The following VEGFC variants were observed in gnomAD, a reference collection of about 807,000 sequenced individuals.
VEGFC encodes the protein vascular endothelial growth factor C.
Under a neutral mutation model 46.1 loss-of-function variants are expected in VEGFC, and 12 were observed. The observed-to-expected ratio is 0.26, with a 90% CI of 0.17 to 0.42. The LOEUF is 0.42. Ranked by LOEUF, VEGFC falls within the 10% of genes least tolerant of loss-of-function variation. The probability of loss-of-function intolerance (pLI) is 1.00; values close to 1 mark genes in which losing one functional copy is unlikely to be tolerated. For synonymous variants in VEGFC, 232 were observed against 195.5 expected, an observed-to-expected ratio of 1.19 and a Z score of -1.56; for missense variants, 488 against 529.4, an observed-to-expected ratio of 0.92 and a Z score of 0.77.
chr4:176,698,320 A>C (rs1434134583), intron 4 of VEGFC, among the ~76,000 whole-genome samples: 1 of 151,918 alleles, frequency 6.6e-6, no homozygotes, highest in African/African-American at 2.4e-5. Context: ...AAAACATGCT[A>C]TCACCTTTTG....
chr4:176,733,737 G>C (rs1735005824), intron 1 of VEGFC, among the ~76,000 whole-genome samples: 1 of 151,670 alleles, frequency 6.6e-6, no homozygotes, highest in Admixed American at 6.6e-5. Flanking sequence ...TTCTCCATAT[G>C]TAATTTCACC....
intron 4 of VEGFC, among the ~76,000 whole-genome samples, chr4:176,699,848 A>C (rs1156955216): frequency 6.6e-6 from 1 of 152,248 alleles, no homozygotes; most frequent in African/African-American, 2.4e-5. Context: ...AAAAAGGCAC[A>C]TGCTTAATCG....
chr4:176,693,196 T>A (rs1734243348), intron 4 of VEGFC, among the ~76,000 whole-genome samples: 1 of 150,680 alleles, frequency 6.6e-6, no homozygotes, highest in Admixed American at 6.6e-5. Context: ...AGGAGGACAT[T>A]CAAACCAAAG....
At chr4:176,761,073 T>C (rs947149626) in intron 1 of VEGFC, among the ~76,000 whole-genome samples, 10 of 152,252 alleles carry the variant, frequency 6.6e-5, no homozygotes, top group African/African-American at 2.4e-4. Context: ...TTTCTTGTGA[T>C]TGATTTAATA....
At chr4:176,699,796 A>G (rs3775196) in intron 4 of VEGFC, among the ~76,000 whole-genome samples, 19,691 of 152,238 alleles carry the variant, frequency 0.13, 1,385 homozygotes, top group Admixed American at 0.18. Flanking sequence ...ACTACAGGTA[A>G]AAATCAGAAA....
At chr4:176,748,344 C>T (rs772418666) in intron 1 of VEGFC, among the ~76,000 whole-genome samples, 1 of 152,030 alleles carries the variant, frequency 6.6e-6, no homozygotes, top group Non-Finnish European at 1.5e-5. Context: ...GGGTTATACA[C>T]TATAAAATCT....
chr4:176,699,151 A>G (rs1241417735), intron 4 of VEGFC, among the ~76,000 whole-genome samples: 1 of 152,174 alleles, frequency 6.6e-6, no homozygotes, highest in Admixed American at 6.5e-5. Context: ...AACAAATAAA[A>G]ATTTGGCTTA....
rs1736119872 is a variant in VEGFC, at chr4:176,792,508, C to T, written c.-197G>A. The T allele has an allele frequency of 2.4e-6, 1 of 414,462 alleles. No homozygotes were observed. Among genetic ancestry groups the T allele is most frequent in the Non-Finnish European group, 4.2e-6 (1 of 237,880 alleles). 25.7% of individuals were successfully genotyped at this position (414,462 alleles called of 1,614,324 possible). A position where few individuals can be genotyped will look rare whatever the true frequency, so the allele number is the denominator to read the frequency against. ...CAACTTTGCAGGGCGCCCTCCCAGC[C>T]AGTGCCGGGGAAAGGCGGCGGGTGT... On this transcript the variant is annotated 5_prime_UTR_variant, in exon 1 of 7. Transcript: ENST00000618562. The surrounding 1 kb of genome is among the most constrained non-coding windows in gnomAD (Gnocchi z 6.3).
intron 3 of VEGFC, among the ~76,000 whole-genome samples, chr4:176,713,503 A>G (rs1290456328): frequency 1.3e-5 from 2 of 152,090 alleles, no homozygotes; most frequent in Non-Finnish European, 2.9e-5. Context: ...ATATTTGTAT[A>G]ATTTATAATT....
At chr4:176,749,396 A>G (rs751062629) in intron 1 of VEGFC, among the ~76,000 whole-genome samples, 1 of 151,940 alleles carries the variant, frequency 6.6e-6, no homozygotes, top group Admixed American at 6.6e-5. Context: ...TGCTCCTTTC[A>G]TTCCAAGTTA....
intron 4 of VEGFC, among the ~76,000 whole-genome samples, chr4:176,700,028 T>C (rs1050895341): frequency 1.3e-5 from 2 of 152,178 alleles, no homozygotes; most frequent in East Asian, 1.9e-4. Flanking sequence ...AAGGAAAAGA[T>C]GGTGAGTAGG....
At chr4:176,717,594 T>C (rs1453404780) in intron 3 of VEGFC, among the ~76,000 whole-genome samples, 4 of 152,138 alleles carry the variant, frequency 2.6e-5, no homozygotes, top group South Asian at 2.1e-4. Context: ...TACTAAATTA[T>C]AAGTAATGTT....
chr4:176,734,427 C>T (rs1271215021), intron 1 of VEGFC, among the ~76,000 whole-genome samples: 1 of 151,758 alleles, frequency 6.6e-6, no homozygotes, highest in Non-Finnish European at 1.5e-5. Flanking sequence ...AAGAATTTAG[C>T]ACTGAGTTTG....
At chr4:176,784,828 T>A (rs1735975634) in intron 1 of VEGFC, among the ~76,000 whole-genome samples, 1 of 140,378 alleles carries the variant, frequency 7.1e-6, no homozygotes, top group Admixed American at 7.0e-5. Flanking sequence ...AAGAAAAAAT[T>A]AAAAATTAAA....
At chr4:176,737,225 AT>A (rs1735070828) in intron 1 of VEGFC, among the ~76,000 whole-genome samples, 1 of 148,176 alleles carries the variant, frequency 6.7e-6, no homozygotes, top group Non-Finnish European at 1.5e-5. Context: ...TTGTTGAAAA[AT>A]ATTCTATATT....
chr4:176,789,542 A>G (rs766611671), intron 1 of VEGFC, among the ~76,000 whole-genome samples: 1 of 152,222 alleles, frequency 6.6e-6, no homozygotes, highest in Non-Finnish European at 1.5e-5. Flanking sequence ...ATCATATACT[A>G]TAAGAAAAAT....
chr4:176,787,517 G>GA (rs894579708), intron 1 of VEGFC, among the ~76,000 whole-genome samples: 7 of 149,820 alleles, frequency 4.7e-5, no homozygotes, highest in African/African-American at 1.2e-4. Flanking sequence ...TTCAAAATTG[G>GA]AAAAAAAACT....
intron 4 of VEGFC, among the ~76,000 whole-genome samples, chr4:176,698,708 T>C (rs1364393608): frequency 6.6e-6 from 1 of 152,064 alleles, no homozygotes; most frequent in African/African-American, 2.4e-5. Context: ...CTCTAACATT[T>C]CCCCATGTCC....
chr4:176,761,317 A>C (rs2110910985), intron 1 of VEGFC, among the ~76,000 whole-genome samples: 1 of 152,324 alleles, frequency 6.6e-6, no homozygotes, highest in East Asian at 1.9e-4. Context: ...TCATAAGTAT[A>C]AAAATATTGT....
Sources: allele counts gnomAD v4.1 joint callset (sites outside exome capture counted in the v4.1 genomes callset), GRCh38; gene constraint gnomAD v4.1.1; non-coding constraint Gnocchi (gnomAD v3.1); transcripts MANE v1.5; gene names NCBI Gene and HGNC (gene_info 2026-07-23, HGNC 2026-07-21).